Variants in MYT1L observed in about 807,000 individuals in gnomAD.
The protein encoded by MYT1L is myelin transcription factor 1-like protein.
MYT1L carries 12 observed loss-of-function variants against 126.7 expected under a neutral mutation model. The observed-to-expected ratio is 0.09, with a 90% CI of 0.06 to 0.15. The LOEUF (loss-of-function observed/expected upper bound fraction) is 0.15, where lower values mean the gene tolerates loss of function less well. MYT1L is among the 10% of genes least tolerant of loss of function. The pLI is 1.00. For synonymous variants in MYT1L, 541 were observed against 604.2 expected, an observed-to-expected ratio of 0.90 and a Z score of 1.53; for missense variants, 979 against 1,585.2, an observed-to-expected ratio of 0.62 and a Z score of 6.49.
chr2:2,009,783 C>T (rs1410159797), intron 4 of MYT1L, among the ~76,000 whole-genome samples: 6 of 152,152 alleles, frequency 3.9e-5, no homozygotes, highest in Non-Finnish European at 7.3e-5. Flanking sequence ...CTGCTTTCTA[C>T]TGGATCTTAG....
chr2:2,058,447 C>T (rs771466324), intron 3 of MYT1L, among the ~76,000 whole-genome samples: 1 of 152,190 alleles, frequency 6.6e-6, no homozygotes, highest in African/African-American at 2.4e-5. Context: ...CATCAATTTT[C>T]CCTTGTGGAT....
At chr2:2,179,256 T>A (rs2091150697) in intron 2 of MYT1L, among the ~76,000 whole-genome samples, 1 of 152,152 alleles carries the variant, frequency 6.6e-6, no homozygotes, top group African/African-American at 2.4e-5. Context: ...AATCCAAAGC[T>A]TCCCAAGAGG....
chr2:2,217,547 C>T (rs2093711586), intron 2 of MYT1L, among the ~76,000 whole-genome samples: 1 of 151,410 alleles, frequency 6.6e-6, no homozygotes. Context: ...GCCAGGCATG[C>T]TGGCAGCCAC....
chr2:2,249,543 CT>C (rs1322583912), intron 2 of MYT1L, among the ~76,000 whole-genome samples: 4 of 151,924 alleles, frequency 2.6e-5, no homozygotes, highest in African/African-American at 9.7e-5. Flanking sequence ...GAATTAAAGG[CT>C]TAAATGTAAG....
chr2:2,136,033 A>T (rs1486669040), intron 3 of MYT1L, among the ~76,000 whole-genome samples: 2 of 152,250 alleles, frequency 1.3e-5, no homozygotes, highest in Non-Finnish European at 2.9e-5. Flanking sequence ...ACCATGGAAT[A>T]CTATGCAGCC....
chr2:2,322,629 T>C (rs573114114), intron 1 of MYT1L, among the ~76,000 whole-genome samples: 66 of 151,892 alleles, frequency 4.3e-4, no homozygotes, highest in African/African-American at 1.6e-3. Flanking sequence ...GCTCCACCTT[T>C]GAAGGCAGCC....
intron 2 of MYT1L, among the ~76,000 whole-genome samples, chr2:2,272,162 T>C (rs1204604207): frequency 1.3e-5 from 2 of 149,410 alleles, no homozygotes; most frequent in African/African-American, 2.5e-5. Context: ...AAGCCGAAGA[T>C]GACAGGCACC....
chr2:1,868,233 G>A (rs1400423779), intron 18 of MYT1L, among the ~76,000 whole-genome samples: 2 of 152,192 alleles, frequency 1.3e-5, no homozygotes, highest in African/African-American at 4.8e-5. Flanking sequence ...AAAGTGCTGG[G>A]ATTACAGGTG....
chr2:2,136,438 A>C (rs1448351865), intron 3 of MYT1L, among the ~76,000 whole-genome samples: 1 of 152,152 alleles, frequency 6.6e-6, no homozygotes, highest in Non-Finnish European at 1.5e-5. Flanking sequence ...TGACAAGCAA[A>C]CACATTTCTC....
In MYT1L at chr2:1,923,070, C is replaced by T. The variant is rs1243735949; in HGVS notation, c.699G>A (p.Leu233=). ...TTTCGTTTTTGTCACTATCGTCTTC[C>T]AGACTATTGGAGGTATTGCTGTTCA... The part of the protein sequence containing the change: ...SEMNSNTSNS[L]EDDSDKNENL... The change falls in exon 10 of 25, where the codon CTG becomes CTA. Residue 233 remains leucine (L), a synonymous_variant. Transcript: ENST00000647738. 6.2e-7 allele frequency: 1 copy of T among 1,613,886 alleles called. No individual in the cohort carries two copies. Among genetic ancestry groups the T allele is most frequent in the Non-Finnish European group, 8.5e-7 (1 of 1,179,906 alleles).
At chr2:1,957,621 A>AT (rs2058607575) in intron 8 of MYT1L, among the ~76,000 whole-genome samples, 1 of 152,160 alleles carries the variant, frequency 6.6e-6, no homozygotes, top group South Asian at 2.1e-4. Flanking sequence ...CTATCTAATC[A>AT]TCTATCAGCT....
intron 21 of MYT1L, among the ~76,000 whole-genome samples, chr2:1,821,045 T>C (rs558221944): frequency 1.7e-3 from 258 of 152,340 alleles, no homozygotes; most frequent in African/African-American, 5.6e-3. Flanking sequence ...CGGTCCCAGA[T>C]GGTGTCAGCC....
At chr2:1,876,398 A>G (rs1268023795) in intron 18 of MYT1L, among the ~76,000 whole-genome samples, 2 of 152,080 alleles carry the variant, frequency 1.3e-5, no homozygotes, top group Admixed American at 6.5e-5. Flanking sequence ...CTCCGAGTCC[A>G]GCCTGAGAAC....
At chr2:2,212,675 C>T (rs1484007707) in intron 2 of MYT1L, among the ~76,000 whole-genome samples, 1 of 152,170 alleles carries the variant, frequency 6.6e-6, no homozygotes, top group Non-Finnish European at 1.5e-5. Flanking sequence ...ACTTCCCCAT[C>T]ATCTATCATT....
Position 1,892,107 on chromosome 2 carries a change from T to C in MYT1L, c.2213A>G (p.Asn738Ser), listed in dbSNP as rs2048964755. Residue 738 changes from asparagine (N) to serine (S), a missense_variant, in exon 15 of 25, where the codon AAC (asparagine) becomes AGC (serine). This residue lies in a region of MYT1L where 28 missense variants were observed against 66.6 expected (regional missense o/e 0.42). Transcript: ENST00000647738. ...CATCTCGCGGCAGCGCGTGGACAGG[T>C]TGAGGATGGCGGTGGCCGCCATGTG... ...AAHMAATAIL[N>S]LSTRCREMPQ... 1.3e-6 allele frequency: 2 copies of C among 1,545,834 alleles called. No individual in the cohort carries two copies. The highest frequency in any genetic ancestry group is 2.4e-5 in the East Asian group (1 of 40,876).
At position 1,790,324 on chromosome 2, in the gene MYT1L, A is replaced by G. The variant is rs968640792; in HGVS notation, c.*1543T>C. 1 of 152,198 alleles carries G rather than the reference A, an allele frequency of 6.6e-6. No homozygotes were observed. The highest frequency in any genetic ancestry group is 1.5e-5 in the Non-Finnish European group (1 of 68,032). 9.4% of individuals were successfully genotyped at this position (152,198 alleles called of 1,614,324 possible). A position where few individuals can be genotyped will look rare whatever the true frequency, so the allele number is the denominator to read the frequency against. ...TCAAGACATGGAAGGAAGAGATGCT[A>G]CTAAATGGAACTCAAGTCAACATCA... On this transcript the variant is annotated 3_prime_UTR_variant, in exon 25 of 25. Transcript: ENST00000647738.
rs571691800 is a variant in MYT1L, at chr2:1,831,869, G to A, written c.3080+7280C>T. 4.8e-4 allele frequency among the ~76,000 whole-genome samples: 73 copies of A among 152,160 alleles called. No homozygotes were observed. In the South Asian group the frequency reaches 6.2e-3, roughly 13 times the overall value. Reference sequence around the variant, plus strand: ...TCTTCCCCCTGGACCCCTGAGTCCCGGGGTGAACCTGCAGGGTCAAGTGTG... The same window carrying A: ...TCTTCCCCCTGGACCCCTGAGTCCCAGGGTGAACCTGCAGGGTCAAGTGTG... On this transcript the variant is annotated intron_variant, in intron 21 of 24. Transcript: ENST00000647738.
intron 1 of MYT1L, among the ~76,000 whole-genome samples, chr2:2,284,992 A>T (rs1438235106): frequency 6.6e-6 from 1 of 152,220 alleles, no homozygotes; most frequent in Non-Finnish European, 1.5e-5. Flanking sequence ...CTGGGATTAC[A>T]GGTGTGAGCC....
At chr2:2,295,250 T>C (rs1389639981) in intron 1 of MYT1L, among the ~76,000 whole-genome samples, 1 of 152,102 alleles carries the variant, frequency 6.6e-6, no homozygotes, top group African/African-American at 2.4e-5. Context: ...AGGAAGGGCG[T>C]TCCAGGCAGA....
Sources: gnomAD v4.1 joint callset for allele counts (sites outside exome capture counted in the v4.1 genomes callset) on GRCh38, gnomAD v4.1.1 for gene constraint, gnomAD v4.1.1 regional missense constraint, MANE v1.5 for transcripts, NCBI Gene and HGNC (gene_info 2026-07-23, HGNC 2026-07-21) for gene names.